GLP1R: variants seen among roughly 807,000 people sequenced by gnomAD.
GLP1R encodes the protein glucagon like peptide 1 receptor, also known as glucagon-like peptide 1 receptor.
Under a neutral mutation model 68.4 loss-of-function variants are expected in GLP1R, and 32 were observed. The ratio of observed to expected loss-of-function variants is 0.47; its 90% CI spans 0.35 to 0.63. GLP1R has a LOEUF of 0.63. Among genes scored for constraint, GLP1R ranks in the 20% least tolerant of loss-of-function variants. GLP1R has a pLI of 0.00. For synonymous variants in GLP1R, 263 were observed against 244.4 expected, an observed-to-expected ratio of 1.08 and a Z score of -0.71; for missense variants, 502 against 594.9, an observed-to-expected ratio of 0.84 and a Z score of 1.62.
intron 3 of GLP1R, among the ~76,000 whole-genome samples, chr6:39,065,279 C>G (rs1002228046): frequency 1.3e-5 from 2 of 152,202 alleles, no homozygotes; most frequent in Non-Finnish European, 2.9e-5. Context: ...TCCTAAAAAT[C>G]AGAAATAGCG....
chr6:39,073,924 G>A (rs1768743121), intron 7 of GLP1R, among the ~76,000 whole-genome samples, 155 bp downstream of exon 7: 1 of 152,184 alleles, frequency 6.6e-6, no homozygotes, highest in Admixed American at 6.5e-5. Context: ...CCCCGGTGCT[G>A]TTAAGATGCC....
intron 5 of GLP1R, among the ~76,000 whole-genome samples, chr6:39,070,845 C>A (rs1475168866): frequency 6.6e-6 from 1 of 151,588 alleles, no homozygotes; most frequent in Non-Finnish European, 1.5e-5. Flanking sequence ...GATTTACCCT[C>A]TCTTTAGTCT....
chr6:39,071,364 A>G lies in GLP1R; in HGVS notation c.510-1498A>G, dbSNP rs9394574. 0.015 allele frequency among the ~76,000 whole-genome samples: 2,064 copies of G among 137,234 alleles called. 126 individuals are homozygous for G. The East Asian group carries it at 0.2, about 13-fold the overall frequency. 90.0% of individuals were successfully genotyped at this position (137,234 alleles called of 152,430 possible). A position where few individuals can be genotyped will look rare whatever the true frequency, so the allele number is the denominator to read the frequency against. ...CCATCTCAAAAAAAAAAAAAAAAAA[A>G]AAAGAAAGAAAGAAAGAAAAAGAAA... On this transcript the variant is annotated intron_variant, in intron 5 of 12. Coordinates refer to ENST00000373256, the MANE Select transcript of GLP1R (RefSeq NM_002062.5).
chr6:39,053,811 C>T (rs1040581999), intron 1 of GLP1R, among the ~76,000 whole-genome samples: 6 of 152,164 alleles, frequency 3.9e-5, no homozygotes, highest in African/African-American at 1.2e-4. Context: ...GGCCCTATGG[C>T]ACTGGGTGGC....
chr6:39,078,969 G>A lies in GLP1R; in HGVS notation c.897G>A (p.Arg299=). 1 of 1,613,996 alleles carries A rather than the reference G, an allele frequency of 6.2e-7. No homozygotes were observed. Among genetic ancestry groups the A allele is most frequent in the Non-Finnish European group, 8.5e-7 (1 of 1,179,890 alleles). The change falls in exon 9 of 13, where the codon AGG becomes AGA. Residue 299 remains arginine, a synonymous_variant. Transcript: ENST00000373256. ...TCTCCCTCCCCAGCTGCTGGACCAG[G>A]AACTCCAACATGAACTACTGGCTCA... ...YLYEDEGCWT[R]NSNMNYWLII... is the part of the protein sequence containing the mutation.
rs541204695 is a variant in GLP1R at position 39,082,756 on chromosome 6, GC to G, written c.1224+2018del. On this transcript the variant is annotated intron_variant, in intron 12 of 12. Transcript: ENST00000373256. ...CCATTCCAGCCCAGTGGTGATGGGG[GC>G]AAGACAGGGTGGCATGTATCCTGTG... is the stretch of plus-strand genomic sequence containing the variant. Among the ~76,000 whole-genome samples the G allele has an allele frequency of 4.1e-3, 624 of 152,266 alleles. 3 individuals carry two copies. Among genetic ancestry groups the G allele is most frequent in the Admixed American group, 5.9e-3 (91 of 15,300 alleles).
At chr6:39,064,304 C>T (rs538821947) in intron 3 of GLP1R, among the ~76,000 whole-genome samples, 3 of 152,298 alleles carry the variant, frequency 2.0e-5, no homozygotes, top group South Asian at 2.1e-4. Context: ...CACACCCAGC[C>T]GAGACCCAGT....
In GLP1R at chr6:39,073,113, G is replaced by A. The variant is rs538393827; in HGVS notation, c.663+98G>A. ...AGGCCTGGGACAGGAGAAGACAAGA[G>A]CCGAACAGTCCTGGCCCTTCGGGAG... On this transcript the variant is annotated intron_variant, in intron 6 of 12. Coordinates refer to ENST00000373256, the MANE Select transcript of GLP1R (RefSeq NM_002062.5). 24 of 1,182,126 alleles carry A rather than the reference G, an allele frequency of 2.0e-5. No homozygotes were observed. The Admixed American group carries it at 3.1e-4, about 15-fold the overall frequency. 73.2% of individuals were successfully genotyped at this position (1,182,126 alleles called of 1,614,324 possible). A position where few individuals can be genotyped will look rare whatever the true frequency, so the allele number is the denominator to read the frequency against.
chr6:39,083,765 G>A (rs1384075375), intron 12 of GLP1R, among the ~76,000 whole-genome samples: 1 of 152,140 alleles, frequency 6.6e-6, no homozygotes. Flanking sequence ...CACTGCAGAG[G>A]TCGAGGGCAG....
intron 5 of GLP1R, among the ~76,000 whole-genome samples, chr6:39,070,738 T>A (rs1455750510): frequency 6.6e-6 from 1 of 152,178 alleles, no homozygotes; most frequent in Non-Finnish European, 1.5e-5. Flanking sequence ...TTTCTGTGAG[T>A]TGCTTTTTCA....
chr6:39,081,643 G>T (rs1455071001), intron 12 of GLP1R, among the ~76,000 whole-genome samples: 2 of 152,178 alleles, frequency 1.3e-5, no homozygotes, highest in Non-Finnish European at 1.5e-5. Context: ...TTTTCTATGG[G>T]TGTGGGGGAT....
In GLP1R at chr6:39,056,478, C is replaced by T. The variant is rs751670297; in HGVS notation, c.160C>T (p.Pro54Ser). Residue 54 changes from proline (P) to serine (S), a missense_variant, in exon 2 of 13, where the codon CCA becomes TCA. Physicochemically the swap from Pro to Ser is moderately conservative, Grantham distance 74. Transcript: ENST00000373256. ...RQCQRSLTED[P>S]PPATDLFCNR... ...GTGCCAGCGCTCCCTGACTGAGGAT[C>T]CACCTCCTGCCACAGGTGAGTCCAT... The T allele has an allele frequency of 2.8e-5, 44 of 1,579,510 alleles. No individual in the cohort carries two copies. In the East Asian group the frequency reaches 9.8e-4, roughly 35 times the overall value.
In GLP1R at chr6:39,088,374, C is replaced by A. The variant is rs10305525; in HGVS notation, c.*2301C>A. Among the ~76,000 whole-genome samples the A allele has an allele frequency of 0.083, 12,575 of 152,170 alleles. 883 individuals carry two copies. Among genetic ancestry groups the A allele is most frequent in the East Asian group, 0.36 (1,852 of 5,156 alleles). On this transcript the variant is annotated 3_prime_UTR_variant, in exon 13 of 13. Coordinates refer to ENST00000373256, the MANE Select transcript of GLP1R (RefSeq NM_002062.5). ...TTTCCTAAGCTAAATATGGCTCCAA[C>A]AGGTCTGGGAACTATTGAATGCAAT...
chr6:39,071,345 CAAAAAAA>C (rs35740935), intron 5 of GLP1R, among the ~76,000 whole-genome samples: 4 of 85,898 alleles, frequency 4.7e-5, no homozygotes, highest in African/African-American at 1.9e-4. Flanking sequence ...GATTCCATCT[CAAAAAAA>C]AAAAAAAAAA....
chr6:39,055,371 C>T (rs553255399), intron 1 of GLP1R, among the ~76,000 whole-genome samples: 1 of 152,212 alleles, frequency 6.6e-6, no homozygotes, highest in African/African-American at 2.4e-5. Flanking sequence ...CTCTGAAGGA[C>T]GAATATTTAT....
intron 7 of GLP1R, among the ~76,000 whole-genome samples, chr6:39,074,788 C>T (rs553718127): frequency 6.6e-6 from 1 of 152,304 alleles, no homozygotes; most frequent in East Asian, 1.9e-4. Context: ...GCATCCTTCC[C>T]ACACCAGGGT....
chr6:39,081,139 C>CA (rs34862248), intron 12 of GLP1R, among the ~76,000 whole-genome samples: 1,626 of 150,498 alleles, frequency 0.011, 20 homozygotes, highest in African/African-American at 0.036. Flanking sequence ...CCACATCCCT[C>CA]AAAAAAAAAC....
intron 3 of GLP1R, among the ~76,000 whole-genome samples, chr6:39,058,047 A>G (rs527625083): frequency 2.0e-5 from 3 of 152,308 alleles, no homozygotes; most frequent in African/African-American, 7.2e-5. Flanking sequence ...GTCAGTAGTG[A>G]TAAGTTTCAT....
In GLP1R at chr6:39,087,261, A is replaced by G. The variant is rs201308854; in HGVS notation, c.*1188A>G. On this transcript the variant is annotated 3_prime_UTR_variant, in exon 13 of 13. Coordinates refer to ENST00000373256, the MANE Select transcript of GLP1R (RefSeq NM_002062.5). ...TGGAAATGAGCGAAATCATGGTTGTAGTGATGTTGTTTGGGAGAGTGCAGT... is the reference window on the plus strand; with the variant it reads ...TGGAAATGAGCGAAATCATGGTTGTGGTGATGTTGTTTGGGAGAGTGCAGT... 7.2e-5 allele frequency: 11 copies of G among 152,210 alleles called. No homozygotes were observed. Among genetic ancestry groups the G allele is most frequent in the Non-Finnish European group, 1.5e-4 (10 of 68,060 alleles). The allele number at this position is 152,210 out of a possible 1,614,324, so 9.4% of individuals were successfully genotyped here.
Sources: gnomAD v4.1 joint callset for allele counts (sites outside exome capture counted in the v4.1 genomes callset) on GRCh38, gnomAD v4.1.1 for gene constraint, MANE v1.5 for transcripts, NCBI Gene and HGNC (gene_info 2026-07-23, HGNC 2026-07-21) for gene names.